Variants in RAI2 observed in about 807,000 individuals in gnomAD.
RAI2 encodes retinoic acid induced 2.
In RAI2, 5 loss-of-function variants were observed where a neutral mutation model predicts 15.3. That is an observed-to-expected ratio of 0.33 (90% CI 0.17 to 0.69). The LOEUF is 0.69. RAI2 is among the 30% of genes least tolerant of loss of function. RAI2 has a pLI of 0.69. For synonymous variants in RAI2, 191 were observed against 184.0 expected, an observed-to-expected ratio of 1.04 and a Z score of -0.31; for missense variants, 424 against 424.7, an observed-to-expected ratio of 1.00 and a Z score of 0.01.
chrX:17,849,082 G>A (rs987727345), intron 1 of RAI2, among the ~76,000 whole-genome samples: 1 of 112,439 alleles, frequency 8.9e-6, no homozygotes, highest in Admixed American at 9.3e-5. Flanking sequence ...TTGAGCCAGC[G>A]ACCACTGCTC....
intron 1 of RAI2, among the ~76,000 whole-genome samples, chrX:17,837,034 C>T (rs1489151422): frequency 8.9e-6 from 1 of 112,218 alleles, no homozygotes; most frequent in African/African-American, 3.2e-5. Context: ...CTTCCAGTTA[C>T]ATTGCATCAT....
At chrX:17,840,853 C>T (rs926615537) in intron 1 of RAI2, among the ~76,000 whole-genome samples, 2 of 112,076 alleles carry the variant, frequency 1.8e-5, no homozygotes, top group Non-Finnish European at 3.8e-5. Flanking sequence ...TTGACCAGAA[C>T]TCAGGCAGAT....
chrX:17,829,855 T>C (rs969576693), intron 1 of RAI2, among the ~76,000 whole-genome samples: 9 of 112,712 alleles, frequency 8.0e-5, no homozygotes, highest in Non-Finnish European at 1.5e-4. Flanking sequence ...TGTGAATGTA[T>C]TTCCAAAATT....
chrX:17,860,885 G>C (rs1353620784), intron 1 of RAI2, among the ~76,000 whole-genome samples: 1 of 105,119 alleles, frequency 9.5e-6, no homozygotes, highest in Non-Finnish European at 2.0e-5. Flanking sequence ...CGCCACACGG[G>C]CGGCGGCCTC....
intron 1 of RAI2, among the ~76,000 whole-genome samples, chrX:17,829,211 A>T (rs761951761): frequency 9.4e-6 from 1 of 105,902 alleles, no homozygotes; most frequent in African/African-American, 3.5e-5. Context: ...GCTTCAGCTA[A>T]TGAATACATG....
chrX:17,857,686 C>A (rs973129010), intron 1 of RAI2, among the ~76,000 whole-genome samples: 3 of 110,960 alleles, frequency 2.7e-5, no homozygotes, highest in African/African-American at 9.9e-5. Flanking sequence ...ATCTCTGGAT[C>A]TCTCCTTGCT....
In RAI2 at chrX:17,827,707, A is replaced by G. The variant is rs1224198990; in HGVS notation, c.-24-25673T>C. Among the ~76,000 whole-genome samples, 4 of 112,224 alleles carry G rather than the reference A, an allele frequency of 3.6e-5. No homozygotes were observed. In the East Asian group the frequency reaches 1.1e-3, roughly 32 times the overall value. On this transcript the variant is annotated intron_variant, in intron 1 of 1. Coordinates refer to ENST00000451717, the MANE Select transcript of RAI2 (RefSeq NM_021785.6). Reference sequence around the variant, plus strand: ...TACTGCCACAGCACCAGCACCATGTACCAAGAACAGGTGGGTGGGATGGCA... The same window carrying G: ...TACTGCCACAGCACCAGCACCATGTGCCAAGAACAGGTGGGTGGGATGGCA...
intron 1 of RAI2, among the ~76,000 whole-genome samples, chrX:17,839,661 A>C (rs752167139): frequency 2.7e-5 from 3 of 112,626 alleles, no homozygotes; most frequent in African/African-American, 9.7e-5. Context: ...CAGCGTATGC[A>C]CCATTTAACT....
Position 17,800,876 on chromosome X carries a change from G to T in RAI2, c.1135C>A (p.Pro379Thr). The stretch of plus-strand genomic sequence containing the variant: ...GCAAAAGAAATTTCCATGCCACTGG[G>T]AAGTTTCTCCATCACTGTGTGACCT... ...SSGHTVMEKL[P>T]SGMEISFAPA... The change falls in exon 2 of 2, where the codon CCC (proline) becomes ACC (threonine). Residue 379 changes from proline to threonine, a missense_variant. Coordinates refer to ENST00000451717, the MANE Select transcript of RAI2 (RefSeq NM_021785.6). 2 of 1,211,644 alleles carry T rather than the reference G, an allele frequency of 1.7e-6. No individual in the cohort carries two copies. The highest frequency in any genetic ancestry group is 2.2e-6 in the Non-Finnish European group (2 of 895,460).
intron 1 of RAI2, among the ~76,000 whole-genome samples, chrX:17,802,973 G>T (rs1463214431): frequency 1.8e-5 from 2 of 111,568 alleles, no homozygotes; most frequent in African/African-American, 6.5e-5. Flanking sequence ...TCCATATTTG[G>T]CCTCGTTACC....
At chrX:17,835,500 C>T (rs2067324661) in intron 1 of RAI2, among the ~76,000 whole-genome samples, 1 of 111,939 alleles carries the variant, frequency 8.9e-6, no homozygotes, top group African/African-American at 3.2e-5. Context: ...CCAGCCCTTC[C>T]TGCACCAGCT....
intron 1 of RAI2, among the ~76,000 whole-genome samples, chrX:17,831,061 T>G (rs2067277717): frequency 8.9e-6 from 1 of 111,780 alleles, no homozygotes; most frequent in Non-Finnish European, 1.9e-5. Context: ...TACACAAACA[T>G]CACTGGCACC....
chrX:17,815,271 TG>T (rs779553972), intron 1 of RAI2, among the ~76,000 whole-genome samples: 1 of 111,033 alleles, frequency 9.0e-6, no homozygotes, highest in African/African-American at 3.3e-5. Context: ...CCTATTTTAT[TG>T]GGGGAAGAGT....
At chrX:17,852,055 GA>G (rs2067542138) in intron 1 of RAI2, among the ~76,000 whole-genome samples, 1 of 111,851 alleles carries the variant, frequency 8.9e-6, no homozygotes, top group Non-Finnish European at 1.9e-5. Context: ...CCAACGCCCA[GA>G]TTTATGATCC....
chrX:17,814,968 C>T (rs1161178415), intron 1 of RAI2, among the ~76,000 whole-genome samples: 6 of 109,972 alleles, frequency 5.5e-5, no homozygotes, highest in African/African-American at 9.9e-5. Flanking sequence ...ATAATAACCT[C>T]GACCCGAGAA....
chrX:17,836,149 T>C (rs954368269), intron 1 of RAI2, among the ~76,000 whole-genome samples: 1 of 110,015 alleles, frequency 9.1e-6, no homozygotes, highest in African/African-American at 3.3e-5. Context: ...TGGAGTTACA[T>C]GTCTATCGTG....
intron 1 of RAI2, among the ~76,000 whole-genome samples, chrX:17,819,804 G>GT (rs1448798836): frequency 8.9e-6 from 1 of 112,099 alleles, no homozygotes; most frequent in Non-Finnish European, 1.9e-5. Context: ...TCAGAAAGTG[G>GT]TTGCTCCAGG....
intron 1 of RAI2, among the ~76,000 whole-genome samples, chrX:17,822,884 T>C (rs752947825): frequency 1.3e-4 from 15 of 112,555 alleles, no homozygotes; most frequent in Admixed American, 3.8e-4. Flanking sequence ...GTTGAATGAT[T>C]CTCTTCCTAA....
At chrX:17,856,623 G>A (rs1031664816) in intron 1 of RAI2, among the ~76,000 whole-genome samples, 3 of 112,663 alleles carry the variant, frequency 2.7e-5, no homozygotes, top group African/African-American at 9.7e-5. Context: ...GGCAGACCAT[G>A]CCCATGTTTT....
Sources: gnomAD v4.1 joint callset for allele counts (sites outside exome capture counted in the v4.1 genomes callset) on GRCh38, gnomAD v4.1.1 for gene constraint, MANE v1.5 for transcripts, NCBI Gene and HGNC (gene_info 2026-07-23, HGNC 2026-07-21) for gene names.